Variants in IL23R observed in about 807,000 individuals in gnomAD.
IL23R encodes interleukin-23 receptor.
A neutral mutation model predicts 56.9 loss-of-function variants in IL23R; 34 were observed. That is an observed-to-expected ratio of 0.60 (90% CI 0.45 to 0.80). The LOEUF is 0.80. Among genes scored for constraint, IL23R ranks in the 30% least tolerant of loss-of-function variants. The pLI is 0.00. For missense variants in IL23R, 635 were observed against 730.0 expected (o/e 0.87, Z 1.50); for synonymous variants, 230 against 249.2 (o/e 0.92, Z 0.73).
chr1:67,225,206 C>A (rs1558252493), intron 7 of IL23R, among the ~76,000 whole-genome samples: 1 of 152,296 alleles, frequency 6.6e-6, no homozygotes, highest in Non-Finnish European at 1.5e-5. Context: ...TATGGAAATG[C>A]AAACGCATGA....
intron 3 of IL23R, among the ~76,000 whole-genome samples, chr1:67,176,804 G>T (rs1647016049): frequency 6.6e-6 from 1 of 152,028 alleles, no homozygotes; most frequent in South Asian, 2.1e-4. Flanking sequence ...CCACACAACT[G>T]GCCCCGGTGT....
chr1:67,245,944 CT>C (rs1382741219), intron 9 of IL23R, among the ~76,000 whole-genome samples: 6 of 152,062 alleles, frequency 3.9e-5, no homozygotes, highest in Non-Finnish European at 5.9e-5. Context: ...TGGTCCTGGA[CT>C]TTTTTTGATT....
chr1:67,248,465 A>C (rs1652390653), intron 9 of IL23R, among the ~76,000 whole-genome samples: 1 of 151,950 alleles, frequency 6.6e-6, no homozygotes. Flanking sequence ...CAGCACCATC[A>C]GGTCATTTAT....
intron 3 of IL23R, among the ~76,000 whole-genome samples, chr1:67,179,212 C>T (rs1647054876): frequency 6.6e-6 from 1 of 152,022 alleles, no homozygotes; most frequent in Admixed American, 6.6e-5. Flanking sequence ...CTTCTTGTAC[C>T]TCTGGTAGAA....
At chr1:67,186,648 G>C (rs1223315068) in intron 4 of IL23R, among the ~76,000 whole-genome samples, 6 of 152,048 alleles carry the variant, frequency 3.9e-5, no homozygotes, top group Admixed American at 2.0e-4. Context: ...GTTATCTATG[G>C]TGTAACATGT....
At position 67,168,090 on chromosome 1, in the gene IL23R, A is replaced by C; in HGVS notation, c.-29-2A>C. 1 of 1,479,080 alleles carries C rather than the reference A, an allele frequency of 6.8e-7. No individual in the cohort carries two copies. Among genetic ancestry groups the C allele is most frequent in the South Asian group, 1.1e-5 (1 of 87,408 alleles). 91.6% of individuals were successfully genotyped at this position (1,479,080 alleles called of 1,614,324 possible). The stretch of plus-strand genomic sequence containing the variant: ...TAAACATTTTTCATATTTTTTTTCC[A>C]GAGGGAAACAGTCTTTTCCTGCTTC... On this transcript the variant is annotated splice_acceptor_variant, in intron 1 of 10. Transcript: ENST00000347310. LOFTEE classifies it low-confidence loss of function (5UTR_SPLICE).
At chr1:67,239,125 A>T (rs905398477) in intron 8 of IL23R, among the ~76,000 whole-genome samples, 1 of 152,234 alleles carries the variant, frequency 6.6e-6, no homozygotes, top group Non-Finnish European at 1.5e-5. Context: ...TATATTTGAA[A>T]ATAGGGCTTT....
intron 6 of IL23R, among the ~76,000 whole-genome samples, chr1:67,211,587 C>T (rs976320855): frequency 2.0e-5 from 3 of 151,216 alleles, no homozygotes; most frequent in African/African-American, 7.3e-5. Context: ...GGAGCCACTG[C>T]ACTCCAGCCT....
chr1:67,150,248 C>CTTTTTTTT (rs552806817), intron 1 of IL23R, among the ~76,000 whole-genome samples: 32 of 110,246 alleles, frequency 2.9e-4, no homozygotes, highest in Non-Finnish European at 3.7e-4. Context: ...GCATTTCGAA[C>CTTTTTTTT]TTTTTTTTTT....
rs143053374 is a variant in IL23R at position 67,178,028 on chromosome 1, G to T, written c.368-4808G>T. 9.3e-3 allele frequency among the ~76,000 whole-genome samples: 1,408 copies of T among 151,978 alleles called. 16 individuals carry two copies. Among genetic ancestry groups the T allele is most frequent in the Non-Finnish European group, 0.014 (975 of 68,020 alleles). On this transcript the variant is annotated intron_variant, in intron 3 of 10. Transcript: ENST00000347310. ...CTGTTTTTGTTACTGTAGCCTTGTA[G>T]TATAGTTTGAAGTCAGGTAGCATGA...
At position 67,226,806 on chromosome 1, in the gene IL23R, G is replaced by A. The variant is rs576528646; in HGVS notation, c.955+7076G>A. Among the ~76,000 whole-genome samples the A allele has an allele frequency of 3.3e-5, 5 of 152,284 alleles. No individual in the cohort carries two copies. In the East Asian group the frequency reaches 9.6e-4, roughly 29 times the overall value. ...TAGTAGTGGTTTGGGTGACAGAAAA[G>A]GGTGGGCATGTGAGAATCTTAGGCC... On this transcript the variant is annotated intron_variant, in intron 7 of 10. Coordinates refer to ENST00000347310, the MANE Select transcript of IL23R (RefSeq NM_144701.3).
intron 7 of IL23R, among the ~76,000 whole-genome samples, chr1:67,234,397 A>T (rs1029541918): frequency 6.6e-6 from 1 of 152,198 alleles, no homozygotes; most frequent in Middle Eastern, 3.2e-3. Flanking sequence ...TAACAAATAG[A>T]CTCTAAAGGA....
At chr1:67,218,193 C>T (rs887559599) in intron 6 of IL23R, among the ~76,000 whole-genome samples, 5 of 151,904 alleles carry the variant, frequency 3.3e-5, no homozygotes, top group African/African-American at 9.7e-5. Context: ...GTGTTTATCC[C>T]TCAGCTATTT....
intron 3 of IL23R, among the ~76,000 whole-genome samples, chr1:67,170,714 G>A (rs1048269248): frequency 6.6e-6 from 1 of 152,070 alleles, no homozygotes; most frequent in Admixed American, 6.6e-5. Flanking sequence ...CCATGTTCCC[G>A]TCCTCCACAT....
chr1:67,222,344 C>T (rs543442925), intron 7 of IL23R, among the ~76,000 whole-genome samples: 39 of 152,016 alleles, frequency 2.6e-4, no homozygotes, highest in Non-Finnish European at 4.9e-4. Flanking sequence ...CTCGAACTCA[C>T]GACCTCAGGT....
chr1:67,232,476 T>A (rs866069107), intron 7 of IL23R, among the ~76,000 whole-genome samples: 6 of 152,156 alleles, frequency 3.9e-5, no homozygotes. Flanking sequence ...ATTAATTTAA[T>A]GAGATCAGTG....
intron 7 of IL23R, among the ~76,000 whole-genome samples, chr1:67,229,832 TC>T (rs1650980707): frequency 6.6e-6 from 1 of 152,212 alleles, no homozygotes; most frequent in South Asian, 2.1e-4. Context: ...CCATTATTTG[TC>T]CTACTACATC....
At chr1:67,208,662 G>A (rs1649247508) in intron 6 of IL23R, among the ~76,000 whole-genome samples, 1 of 152,248 alleles carries the variant, frequency 6.6e-6, no homozygotes, top group Non-Finnish European at 1.5e-5. Flanking sequence ...GAAGATGTAT[G>A]GAAATGCCTG....
rs562363137 is a variant in IL23R at position 67,180,834 on chromosome 1, G to A, written c.368-2002G>A. 6.4e-3 allele frequency among the ~76,000 whole-genome samples: 968 copies of A among 152,168 alleles called. 3 individuals carry two copies. Among genetic ancestry groups the A allele is most frequent in the Middle Eastern group, 0.017 (5 of 294 alleles). ...GGCCTGGTGGTGACAAAATCTCTCA[G>A]CATTTGCTTGTCTGTAAAGTATTTT... On this transcript the variant is annotated intron_variant, in intron 3 of 10. Coordinates refer to ENST00000347310, the MANE Select transcript of IL23R (RefSeq NM_144701.3).
Sources: gnomAD v4.1 joint callset for allele counts (sites outside exome capture counted in the v4.1 genomes callset) on GRCh38, gnomAD v4.1.1 for gene constraint, MANE v1.5 for transcripts, NCBI Gene and HGNC (gene_info 2026-07-23, HGNC 2026-07-21) for gene names.